FRMD4A: variants seen among roughly 807,000 people sequenced by gnomAD.
FRMD4A encodes the protein FERM domain-containing protein 4A.
A neutral mutation model predicts 129.1 loss-of-function variants in FRMD4A; 29 were observed. The observed-to-expected ratio is 0.22, with a 90% CI of 0.17 to 0.31. FRMD4A has a LOEUF of 0.31. Among genes scored for constraint, FRMD4A ranks in the 10% least tolerant of loss-of-function variants. The pLI is 1.00. For synonymous variants in FRMD4A, 634 were observed against 571.6 expected, an observed-to-expected ratio of 1.11 and a Z score of -1.56; for missense variants, 1,272 against 1,375.8, an observed-to-expected ratio of 0.92 and a Z score of 1.19.
chr10:14,022,462 T>C (rs1159886773), intron 2 of FRMD4A, among the ~76,000 whole-genome samples: 2 of 152,188 alleles, frequency 1.3e-5, no homozygotes, highest in African/African-American at 4.8e-5. Context: ...GGCCCAAACT[T>C]TGTCTAGCTG....
At chr10:13,649,939 C>T (rs1465826274) in intron 24 of FRMD4A, among the ~76,000 whole-genome samples, 2 of 152,220 alleles carry the variant, frequency 1.3e-5, no homozygotes, top group East Asian at 1.9e-4. Flanking sequence ...TAGGTGTGCT[C>T]TCTCAACTGT....
chr10:14,256,356 C>T (rs1311458135), intron 2 of FRMD4A, among the ~76,000 whole-genome samples: 2 of 152,054 alleles, frequency 1.3e-5, no homozygotes, highest in Non-Finnish European at 2.9e-5. Context: ...GACAGTTCTC[C>T]CCCAAATCAT....
intron 2 of FRMD4A, among the ~76,000 whole-genome samples, chr10:14,041,422 T>G (rs1282562244): frequency 6.6e-6 from 1 of 152,248 alleles, no homozygotes; most frequent in African/African-American, 2.4e-5. Flanking sequence ...CTAATGTCCT[T>G]TTGTCTGTTT....
At chr10:13,859,772 C>G (rs2094267605) in intron 2 of FRMD4A, among the ~76,000 whole-genome samples, 1 of 152,108 alleles carries the variant, frequency 6.6e-6, no homozygotes, top group Non-Finnish European at 1.5e-5. Flanking sequence ...GCGCTGTCAC[C>G]AATAATAGAA....
intron 2 of FRMD4A, among the ~76,000 whole-genome samples, chr10:14,082,611 C>G (rs1402436148): frequency 6.6e-6 from 1 of 152,116 alleles, no homozygotes; most frequent in East Asian, 1.9e-4. Flanking sequence ...GGCCCCAGCA[C>G]TGAAGTTGAG....
At chr10:13,952,891 T>TCGC (rs200137239) in intron 2 of FRMD4A, among the ~76,000 whole-genome samples, 5,765 of 152,104 alleles carry the variant, frequency 0.038, 139 homozygotes, top group South Asian at 0.079. Context: ...AGAAGGGGTT[T>TCGC]CGCCATGTTG....
At chr10:14,227,243 CTTTTTTTTTTT>C (rs10674411) in intron 2 of FRMD4A, among the ~76,000 whole-genome samples, 1 of 64,100 alleles carries the variant, frequency 1.6e-5, no homozygotes, top group Non-Finnish European at 2.7e-5. Context: ...TCTTCTTCTT[CTTTTTTTTTTT>C]TTTTTTTTTT....
chr10:14,046,888 G>T (rs1324454165), intron 2 of FRMD4A, among the ~76,000 whole-genome samples: 1 of 152,158 alleles, frequency 6.6e-6, no homozygotes, highest in African/African-American at 2.4e-5. Context: ...CCATTGTGAG[G>T]CATGGGAGTC....
chr10:14,048,686 G>A (rs1834094880), intron 2 of FRMD4A, among the ~76,000 whole-genome samples: 1 of 152,040 alleles, frequency 6.6e-6, no homozygotes. Flanking sequence ...GGCACCTGTA[G>A]TCCCAGCTAC....
At chr10:14,057,433 A>G (rs7901457) in intron 2 of FRMD4A, among the ~76,000 whole-genome samples, 70,193 of 152,092 alleles carry the variant, frequency 0.46, 16,907 homozygotes, top group Non-Finnish European at 0.54. Context: ...ACCAGGCTCC[A>G]TGGCTATTTT....
At chr10:14,099,343 G>GA (rs59031164) in intron 2 of FRMD4A, among the ~76,000 whole-genome samples, 7 of 151,488 alleles carry the variant, frequency 4.6e-5, no homozygotes, top group South Asian at 2.1e-4. Flanking sequence ...AGACAGAAGA[G>GA]AAAAAAAAAT....
chr10:14,160,353 G>A (rs1356990887), intron 2 of FRMD4A, among the ~76,000 whole-genome samples: 1 of 151,864 alleles, frequency 6.6e-6, no homozygotes. Flanking sequence ...AGAAAACAGG[G>A]GAAACAATTC....
chr10:13,864,578 T>C (rs925190666), intron 2 of FRMD4A, among the ~76,000 whole-genome samples: 8 of 125,828 alleles, frequency 6.4e-5, no homozygotes, highest in African/African-American at 2.4e-4. Flanking sequence ...TCTTTCTTTC[T>C]TTTTTTTTTT....
At chr10:14,092,502 T>C (rs990494396) in intron 2 of FRMD4A, among the ~76,000 whole-genome samples, 1 of 152,236 alleles carries the variant, frequency 6.6e-6, no homozygotes, top group African/African-American at 2.4e-5. Flanking sequence ...TGGAGGTAGC[T>C]GTAATCCCTC....
intron 2 of FRMD4A, among the ~76,000 whole-genome samples, chr10:14,166,631 C>T (rs377556233): frequency 4.6e-5 from 7 of 152,300 alleles, no homozygotes; most frequent in South Asian, 2.1e-4. Context: ...TGGTAGAGCC[C>T]CCTTTACACC....
At chr10:13,656,527 G>T (rs143264944) in intron 22 of FRMD4A, 109 bp downstream of exon 22, 2 of 1,204,554 alleles carry the variant, frequency 1.7e-6, no homozygotes, top group Non-Finnish European at 2.1e-6. Context: ...AATGATTCCC[G>T]TTCCTCACTG....
chr10:13,830,824 C>T (rs1342678727), intron 3 of FRMD4A, among the ~76,000 whole-genome samples: 2 of 152,192 alleles, frequency 1.3e-5, no homozygotes, highest in Non-Finnish European at 2.9e-5. Flanking sequence ...GAGTCTCGCT[C>T]TGTCACCCAG....
chr10:13,830,852 C>T (rs569316036), intron 3 of FRMD4A, among the ~76,000 whole-genome samples: 2 of 152,286 alleles, frequency 1.3e-5, no homozygotes, highest in African/African-American at 4.8e-5. Context: ...TTCAATGGCA[C>T]ATTCTCGGCT....
At chr10:13,768,550 G>A (rs1054203910) in intron 6 of FRMD4A, among the ~76,000 whole-genome samples, 2 of 152,138 alleles carry the variant, frequency 1.3e-5, no homozygotes, top group Non-Finnish European at 1.5e-5. Flanking sequence ...AAGTCCACTC[G>A]GAACCACTTG....
Sources: allele counts gnomAD v4.1 joint callset (sites outside exome capture counted in the v4.1 genomes callset), GRCh38; gene constraint gnomAD v4.1.1; transcripts MANE v1.5; gene names NCBI Gene and HGNC (gene_info 2026-07-23, HGNC 2026-07-21).